WDR27: variants seen among roughly 807,000 people sequenced by gnomAD.
The protein encoded by WDR27 is WD repeat-containing protein 27.
A neutral mutation model predicts 114.4 loss-of-function variants in WDR27; 100 were observed. The ratio of observed to expected loss-of-function variants is 0.87; its 90% CI spans 0.74 to 1.03. The LOEUF (loss-of-function observed/expected upper bound fraction) is 1.03, where lower values mean the gene tolerates loss of function less well. Among genes scored for constraint, WDR27 ranks in the 50% least tolerant of loss-of-function variants. The probability of loss-of-function intolerance (pLI) is 0.00; values close to 1 mark genes in which losing one functional copy is unlikely to be tolerated. For missense variants in WDR27, 1,129 were observed against 1,092.9 expected (o/e 1.03, Z -0.47); for synonymous variants, 449 against 423.1 (o/e 1.06, Z -0.75).
At chr6:169,602,357 T>A in intron 22 of WDR27, 36 bp from the exon 23 acceptor site, 1 of 1,407,124 alleles carries the variant, frequency 7.1e-7, no homozygotes, top group South Asian at 1.3e-5. Context: ...AGAAAAATCA[T>A]TTTAAAATTT....
rs563484341 is a variant in WDR27, at chr6:169,631,645, T to G, written c.2223+1302A>C. ...CTCTGAAGAGCCATCCAGACCGACA[T>G]GCAGGGAGACCATCTTCCTGGACAC... is the stretch of plus-strand genomic sequence containing the variant. On this transcript the variant is annotated intron_variant, in intron 21 of 25. Coordinates refer to ENST00000448612, the MANE Select transcript of WDR27 (RefSeq NM_182552.5). Among the ~76,000 whole-genome samples the G allele has an allele frequency of 5.5e-4, 83 of 152,264 alleles. No homozygotes were observed. In the Middle Eastern group the frequency reaches 0.01, roughly 19 times the overall value.
intron 16 of WDR27, among the ~76,000 whole-genome samples, chr6:169,644,853 C>G (rs1820140941): frequency 9.7e-6 from 1 of 102,636 alleles, no homozygotes; most frequent in Non-Finnish European, 1.8e-5. Context: ...ACTAAAAATA[C>G]AAAAAATTAG....
intron 21 of WDR27, among the ~76,000 whole-genome samples, chr6:169,624,720 G>C (rs1246835049): frequency 6.6e-6 from 1 of 152,194 alleles, no homozygotes; most frequent in Admixed American, 6.5e-5. Context: ...CCACTGAGAA[G>C]AGAGCTCACC....
At chr6:169,682,391 A>G (rs1251518427) in intron 2 of WDR27, among the ~76,000 whole-genome samples, 4 of 152,214 alleles carry the variant, frequency 2.6e-5, no homozygotes, top group Non-Finnish European at 5.9e-5. Context: ...GTGCCTGGTC[A>G]GCATTCCCAC....
At chr6:169,429,566 CTT>C in the WDR27 span, among the ~76,000 whole-genome samples, 1 of 152,012 alleles carries the variant, frequency 6.6e-6, no homozygotes, top group Non-Finnish European at 1.5e-5. Context: ...TTACTGGACT[CTT>C]TCTATTTTCT....
chr6:169,628,530 T>G (rs575476745), intron 21 of WDR27, among the ~76,000 whole-genome samples: 2 of 152,160 alleles, frequency 1.3e-5, no homozygotes, highest in Non-Finnish European at 2.9e-5. Flanking sequence ...ATTCAATCTT[T>G]CTATTTCTCC....
rs116291027 is a variant in WDR27 at position 169,557,095 on chromosome 6, G to A, written c.2645+15324C>T. Among the ~76,000 whole-genome samples the A allele has an allele frequency of 3.9e-3, 589 of 152,186 alleles. 6 individuals carry two copies. The highest frequency in any genetic ancestry group is 0.014 in the African/African-American group (565 of 41,510). On this transcript the variant is annotated intron_variant, in intron 25 of 25. Transcript: ENST00000448612. ...TGTGTTCACACAAACAGCTGTACAA[G>A]AATTTTTATGGCAGCATTATTTGTA...
intron 25 of WDR27, among the ~76,000 whole-genome samples, chr6:169,565,631 A>T (rs1234077599): frequency 6.6e-6 from 1 of 150,762 alleles, no homozygotes; most frequent in Non-Finnish European, 1.5e-5. Context: ...GTTCCTAAAG[A>T]GTCAATGTTA....
chr6:169,665,433 G>C, intron 7 of WDR27, 53 bp downstream of exon 7: 1 of 1,578,868 alleles, frequency 6.3e-7, no homozygotes, highest in Non-Finnish European at 8.6e-7. Flanking sequence ...TTGTGTACAA[G>C]CTCACGTTCA....
intron 25 of WDR27, among the ~76,000 whole-genome samples, chr6:169,552,007 GGTTCCGTC>G (rs899284579): frequency 6.6e-6 from 1 of 152,104 alleles, no homozygotes; most frequent in Non-Finnish European, 1.5e-5. Context: ...CCCTCCCGTG[GGTTCCGTC>G]CCACGCAGAG....
intron 2 of WDR27, among the ~76,000 whole-genome samples, chr6:169,681,315 C>T (rs1781466163): frequency 6.6e-6 from 1 of 152,236 alleles, no homozygotes; most frequent in East Asian, 1.9e-4. Flanking sequence ...AGAAGCTAAC[C>T]CACTCATATC....
At chr6:169,456,469 G>C (rs1179424923), downstream of WDR27, among the ~76,000 whole-genome samples, 1 of 152,178 alleles carries the variant, frequency 6.6e-6, no homozygotes, top group East Asian at 1.9e-4. The surrounding 1 kb of genome is among the most constrained non-coding windows in gnomAD (Gnocchi z 4.0). Flanking sequence ...GGTCCCAGGA[G>C]TCCTCACATG....
intron 25 of WDR27, among the ~76,000 whole-genome samples, chr6:169,458,877 T>G (rs1784593727): frequency 6.6e-6 from 1 of 151,422 alleles, no homozygotes; most frequent in Non-Finnish European, 1.5e-5. Flanking sequence ...CTAAGAAGAT[T>G]TGAAGTTTAT....
intron 23 of WDR27, among the ~76,000 whole-genome samples, chr6:169,599,718 G>A (rs1807565818): frequency 6.6e-6 from 1 of 152,090 alleles, no homozygotes; most frequent in South Asian, 2.1e-4. Flanking sequence ...CCGGCTCCTG[G>A]ATTCACTGAT....
At chr6:169,577,166 G>A (rs1340913267) in intron 24 of WDR27, among the ~76,000 whole-genome samples, 1 of 152,142 alleles carries the variant, frequency 6.6e-6, no homozygotes, top group Non-Finnish European at 1.5e-5. Context: ...CCCACGGAAA[G>A]ACGCACCAAC....
chr6:169,697,943 G>C (rs111660406), intron 1 of WDR27, among the ~76,000 whole-genome samples: 1 of 152,174 alleles, frequency 6.6e-6, no homozygotes. Context: ...CCGCGCACGG[G>C]GAGAGACCCA....
intron 23 of WDR27, among the ~76,000 whole-genome samples, chr6:169,594,465 T>C (rs925705829): frequency 6.6e-6 from 1 of 152,226 alleles, no homozygotes; most frequent in Non-Finnish European, 1.5e-5. Context: ...AGGTTTCCTA[T>C]AACCTTATAA....
rs1482393854 is a variant in WDR27 at position 169,582,913 on chromosome 6, A to G, written c.2446T>C (p.Ser816Pro). ...GCCAGCCGGTGAGAAAACGTGCTTG[A>G]GCCCATTTCATACACGTAAGCCTAC... ...DRHAYVYEMG[S>P]STFSHRLAGH... The change falls in exon 24 of 26, where the codon TCA (serine) becomes CCA (proline). Residue 816 changes from serine to proline, a missense_variant. Ser to Pro is a moderately conservative substitution (Grantham distance 74). Transcript: ENST00000448612. 3 of 1,613,942 alleles carry G rather than the reference A, an allele frequency of 1.9e-6. No individual in the cohort carries two copies. The highest frequency in any genetic ancestry group is 2.2e-5 in the South Asian group (2 of 91,036).
chr6:169,670,584 G>C lies in WDR27; in HGVS notation c.441C>G (p.Phe147Leu). 6.2e-7 allele frequency: 1 copy of C among 1,613,954 alleles called. No homozygotes were observed. Among genetic ancestry groups the C allele is most frequent in the Non-Finnish European group, 8.5e-7 (1 of 1,179,892 alleles). Residue 147 changes from phenylalanine (F) to leucine (L), a missense_variant, in exon 4 of 26, where the codon TTC becomes TTG. Transcript: ENST00000448612. Reference protein sequence around the residue: ...VVAVCAGNKIFMLDIEQRFSV... With the variant: ...VVAVCAGNKILMLDIEQRFSV... The stretch of plus-strand genomic sequence containing the variant: ...TCAATCTTACCTCAATATCCAGCAT[G>C]AATATTTTGTTTCCAGCACACACGG...
Sources: allele counts gnomAD v4.1 joint callset (sites outside exome capture counted in the v4.1 genomes callset), GRCh38; gene constraint gnomAD v4.1.1; non-coding constraint Gnocchi (gnomAD v3.1); transcripts MANE v1.5; gene names NCBI Gene and HGNC (gene_info 2026-07-23, HGNC 2026-07-21).